SFI1: variants seen among roughly 807,000 people sequenced by gnomAD.
The protein encoded by SFI1 is SFI1 centrin binding protein, also known as protein SFI1 homolog.
A neutral mutation model predicts 207.5 loss-of-function variants in SFI1; 195 were observed. That is an observed-to-expected ratio of 0.94 (90% CI 0.84 to 1.06). The LOEUF (loss-of-function observed/expected upper bound fraction) is 1.06. Ranked by LOEUF, SFI1 falls within the 50% of genes least tolerant of loss-of-function variation. The probability of loss-of-function intolerance (pLI) is 0.00; values close to 1 mark genes in which losing one functional copy is unlikely to be tolerated. For synonymous variants in SFI1, 630 were observed against 598.9 expected, an observed-to-expected ratio of 1.05 and a Z score of -0.76; for missense variants, 1,634 against 1,588.0, an observed-to-expected ratio of 1.03 and a Z score of -0.49.
rs199849700 is a variant in SFI1 at position 31,613,626 on chromosome 22, G to A, written c.2767G>A (p.Val923Ile). The A allele has an allele frequency of 4.2e-4, 675 of 1,591,400 alleles. 2 individuals are homozygous for A. The highest frequency in any genetic ancestry group is 1.6e-3 in the East Asian group (69 of 44,486). The change falls in exon 27 of 33, where the codon GTC becomes ATC. Residue 923 changes from valine to isoleucine, a missense_variant. Transcript: ENST00000400288. ...GGCGGCTCACAGTCTCCATCGTGCC[G>A]TCCGCCGCTGTGCCACGCTCTGGAA... ...VQAAHSLHRA[V>I]RRCATLWKQK...
In SFI1 at chr22:31,616,849, C is replaced by T. The variant is rs1302691581; in HGVS notation, c.3405C>T (p.Thr1135=). 1 of 1,612,722 alleles carries T rather than the reference C, an allele frequency of 6.2e-7. No homozygotes were observed. Among genetic ancestry groups the T allele is most frequent in the South Asian group, 1.1e-5 (1 of 90,848 alleles). ...HLLLPGDFSA[T]RAGPGLSTAG... is the part of the protein sequence containing the mutation. ...TCCTTCCTGGGGACTTCTCAGCCAC[C>T]AGGGCTGGGCCTGGACTTTCAACTG... is the stretch of plus-strand genomic sequence containing the variant. The change falls in exon 30 of 33, where the codon ACC becomes ACT. Residue 1135 remains threonine (T), a synonymous_variant. Coordinates refer to ENST00000400288, the MANE Select transcript of SFI1 (RefSeq NM_001007467.3).
rs760072533 is a variant in SFI1, at chr22:31,546,897, C to T, written c.375C>T (p.Phe125=). 8.1e-6 allele frequency: 13 copies of T among 1,611,334 alleles called. No homozygotes were observed. Among genetic ancestry groups the T allele is most frequent in the Admixed American group, 6.7e-5 (4 of 59,666 alleles). ...YYEQRLLRKV[F]EEWKEEWWVF... ...AGCAGCGATTACTACGGAAGGTCTTCGAAGAATGGAAAGAGGAGTGGTGGG... is the reference window on the plus strand; with the variant it reads ...AGCAGCGATTACTACGGAAGGTCTTTGAAGAATGGAAAGAGGAGTGGTGGG... Residue 125 remains phenylalanine (F), a synonymous_variant, in exon 5 of 33, where the codon TTC becomes TTT. Coordinates refer to ENST00000400288, the MANE Select transcript of SFI1 (RefSeq NM_001007467.3).
At chr22:31,591,180 T>C (rs1405062029) in intron 15 of SFI1, among the ~76,000 whole-genome samples, 1 of 152,182 alleles carries the variant, frequency 6.6e-6, no homozygotes, top group Non-Finnish European at 1.5e-5. Flanking sequence ...TTAATGAGCA[T>C]GCTGCCTTCA....
chr22:31,615,245 CCTT>C lies in SFI1; in HGVS notation c.3268_3270del (p.Phe1090del). On this transcript the variant is annotated inframe_deletion, in exon 29 of 33. Transcript: ENST00000400288. ...GAGCTGCTGCTGCTGCCTCTTTCCT[CCTT>C]CATGCCCTGCGGGGCGGCTGCACCA... is the stretch of plus-strand genomic sequence containing the variant. 2.6e-6 allele frequency: 4 copies of C among 1,521,624 alleles called. No individual in the cohort carries two copies. Among genetic ancestry groups the C allele is most frequent in the Middle Eastern group, 1.8e-4 (1 of 5,658 alleles). 94.3% of individuals were successfully genotyped at this position (1,521,624 alleles called of 1,614,324 possible).
intron 2 of SFI1, among the ~76,000 whole-genome samples, chr22:31,512,269 T>TG (rs1250437563): frequency 1.3e-5 from 2 of 151,130 alleles, no homozygotes; most frequent in African/African-American, 4.9e-5. Flanking sequence ...GCAGAAGAAT[T>TG]GCTTGAACCC....
chr22:31,553,029 G>A (rs1329883907), intron 6 of SFI1, among the ~76,000 whole-genome samples: 1 of 152,048 alleles, frequency 6.6e-6, no homozygotes, highest in East Asian at 1.9e-4. Flanking sequence ...ATGTTATGGA[G>A]ACAGGGTCTG....
chr22:31,563,689 G>A (rs866123354), intron 8 of SFI1, among the ~76,000 whole-genome samples: 3 of 151,374 alleles, frequency 2.0e-5, no homozygotes, highest in Admixed American at 6.6e-5. Context: ...GGGTTCAAGC[G>A]ATTCTCCTGC....
In SFI1 at chr22:31,514,162, AAT is replaced by A. The variant is rs1294750883; in HGVS notation, c.92+5787_92+5788del. Among the ~76,000 whole-genome samples, 51 of 149,446 alleles carry A rather than the reference AAT, an allele frequency of 3.4e-4. 1 individual carries two copies. The highest frequency in any genetic ancestry group is 3.4e-3 in the Middle Eastern group (1 of 294). On this transcript the variant is annotated intron_variant, in intron 2 of 32. Transcript: ENST00000400288. ...TCTCAAAAAAAAAAAAAAAAAAAAA[AAT>A]GTAGTACTGAATTGTTAGCTATAGT...
intron 1 of SFI1, among the ~76,000 whole-genome samples, chr22:31,504,867 C>T (rs1175207298): frequency 1.3e-5 from 2 of 152,142 alleles, no homozygotes; most frequent in Non-Finnish European, 2.9e-5. Context: ...AGACACAAAT[C>T]GTGTTGGATT....
Position 31,615,242 on chromosome 22 carries a change from C to A in SFI1, c.3263C>A (p.Ser1088Tyr). ...CCGGAGCTGCTGCTGCTGCCTCTTTCCTCCTTCATGCCCTGCGGGGCGGCT... is the reference window on the plus strand; with the variant it reads ...CCGGAGCTGCTGCTGCTGCCTCTTTACTCCTTCATGCCCTGCGGGGCGGCT... ...TGPELLLLPLSSFMPCGAAAP... is the reference protein window; with the variant it reads ...TGPELLLLPLYSFMPCGAAAP... Residue 1088 changes from serine to tyrosine, a missense_variant, in exon 29 of 33, where the codon TCC becomes TAC. Coordinates refer to ENST00000400288, the MANE Select transcript of SFI1 (RefSeq NM_001007467.3). 6.5e-7 allele frequency: 1 copy of A among 1,528,490 alleles called. No homozygotes were observed. 94.7% of individuals were successfully genotyped at this position (1,528,490 alleles called of 1,614,324 possible).
In SFI1 at chr22:31,618,432, G is replaced by C; in HGVS notation, c.*14G>C. ...GCCCTGTGCTAGCGTGTTCGCACCAGGAACGCAGGTGCTGGGCTGTCGGGG... is the reference window on the plus strand; with the variant it reads ...GCCCTGTGCTAGCGTGTTCGCACCACGAACGCAGGTGCTGGGCTGTCGGGG... On this transcript the variant is annotated 3_prime_UTR_variant, in exon 33 of 33. Coordinates refer to ENST00000400288, the MANE Select transcript of SFI1 (RefSeq NM_001007467.3). 6.5e-7 allele frequency: 1 copy of C among 1,549,260 alleles called. No homozygotes were observed. Among genetic ancestry groups the C allele is most frequent in the African/African-American group, 1.4e-5 (1 of 73,472 alleles).
At chr22:31,571,854 A>G (rs1325433425) in intron 8 of SFI1, among the ~76,000 whole-genome samples, 1 of 152,110 alleles carries the variant, frequency 6.6e-6, no homozygotes, top group Non-Finnish European at 1.5e-5. Flanking sequence ...TCATTTCCAT[A>G]GTCTAATTAA....
intron 15 of SFI1, among the ~76,000 whole-genome samples, chr22:31,601,209 C>T (rs374640656): frequency 0.011 from 1,597 of 150,364 alleles, 8 homozygotes; most frequent in Middle Eastern, 0.028. Flanking sequence ...CTGCAAGCTC[C>T]GCCTCCCGGG....
intron 27 of SFI1, 66 bp from the exon 28 acceptor site, chr22:31,614,723 A>G: frequency 1.3e-6 from 2 of 1,539,588 alleles, no homozygotes; most frequent in Non-Finnish European, 9.0e-7. Flanking sequence ...GAGATCCCAC[A>G]GAGATCTCAG....
At position 31,573,087 on chromosome 22, in the gene SFI1, G is replaced by A. The variant is rs775322605; in HGVS notation, c.795G>A (p.Leu265=). 4 of 1,612,294 alleles carry A rather than the reference G, an allele frequency of 2.5e-6. No individual in the cohort carries two copies. The highest frequency in any genetic ancestry group is 1.1e-5 in the South Asian group (1 of 90,906). ...GGTCACAGTGGCGGGAACAGCTCCT[G>A]TATGTCCAGAAGGAGAAACAAAAGG... is the stretch of plus-strand genomic sequence containing the variant. The part of the protein sequence containing the change: ...QAWSQWREQL[L]YVQKEKQKVV... Residue 265 remains leucine (L), a synonymous_variant, in exon 9 of 33, where the codon CTG becomes CTA. Coordinates refer to ENST00000400288, the MANE Select transcript of SFI1 (RefSeq NM_001007467.3).
At chr22:31,500,202 C>G (rs986423258) in intron 1 of SFI1, among the ~76,000 whole-genome samples, 2 of 148,160 alleles carry the variant, frequency 1.3e-5, no homozygotes. Flanking sequence ...GTAATCCCCA[C>G]TATTTGGGAG....
chr22:31,596,733 G>A lies in SFI1; in HGVS notation c.1545-5479G>A, dbSNP rs1291051157. On this transcript the variant is annotated intron_variant, in intron 15 of 32. Transcript: ENST00000400288. ...TAGGAGGTGGAGATTGCAGTGAGCCGAGATCGCACCACTGCACTCCAGCCT... is the reference window on the plus strand; with the variant it reads ...TAGGAGGTGGAGATTGCAGTGAGCCAAGATCGCACCACTGCACTCCAGCCT... Among the ~76,000 whole-genome samples, 5 of 144,846 alleles carry A rather than the reference G, an allele frequency of 3.5e-5. No homozygotes were observed. In the Admixed American group the frequency reaches 3.6e-4, roughly 10 times the overall value.
At chr22:31,587,377 C>A in intron 14 of SFI1, 1 of 342,710 alleles carries the variant, frequency 2.9e-6, no homozygotes, top group Non-Finnish European at 6.3e-6. Context: ...TCTTGGCTCA[C>A]TGCAGCCTCA....
chr22:31,502,896 T>A (rs1308976658), intron 1 of SFI1, among the ~76,000 whole-genome samples: 1 of 151,820 alleles, frequency 6.6e-6, no homozygotes, highest in Admixed American at 6.6e-5. Flanking sequence ...GGCAGATCAC[T>A]TGAGGTCAGG....
Sources: allele counts gnomAD v4.1 joint callset (sites outside exome capture counted in the v4.1 genomes callset), GRCh38; gene constraint gnomAD v4.1.1; transcripts MANE v1.5; gene names NCBI Gene and HGNC (gene_info 2026-07-23, HGNC 2026-07-21).